Variants in APOE observed in about 807,000 individuals in gnomAD.
APOE encodes apolipoprotein E.
APOE carries 10 observed loss-of-function variants against 13.1 expected under a neutral mutation model. The observed-to-expected ratio is 0.76, with a 90% CI of 0.47 to 1.29. The LOEUF (loss-of-function observed/expected upper bound fraction) is 1.29, where lower values mean the gene tolerates loss of function less well. APOE is among the 50% of genes most tolerant of loss of function. The pLI, the probability that APOE is intolerant of heterozygous loss-of-function variation, is 0.00. For missense variants in APOE, 471 were observed against 459.6 expected (o/e 1.02, Z -0.23); for synonymous variants, 211 against 207.1 (o/e 1.02, Z -0.16).
chr19:44,906,779 G>T, intron 2 of APOE, 112 bp downstream of exon 2: 1 of 1,069,140 alleles, frequency 9.4e-7, no homozygotes, highest in Admixed American at 1.8e-5. Flanking sequence ...AGGCTTCTGT[G>T]CTGCTTCCTG....
Position 44,908,520 on chromosome 19 carries a change from C to T in APOE, c.237-13C>T, listed in dbSNP as rs777388107. 1 of 1,613,432 alleles carries T rather than the reference C, an allele frequency of 6.2e-7. No individual in the cohort carries two copies. Among genetic ancestry groups the T allele is most frequent in the Admixed American group, 1.7e-5 (1 of 60,004 alleles). ...TCCCACTGTGCGACACCCTCCCGCC[C>T]TCTCGGCCGCAGGGCGCTGATGGAC... On this transcript the variant is annotated splice_polypyrimidine_tract_variant and intron_variant, in intron 3 of 3. Transcript: ENST00000252486.
rs1199910165 is a variant in APOE, at chr19:44,909,126, C to T, written c.830C>T (p.Ala277Val). The T allele has an allele frequency of 3.1e-6, 5 of 1,597,904 alleles. No homozygotes were observed. In the South Asian group the frequency reaches 5.5e-5, roughly 18 times the overall value. Residue 277 changes from alanine to valine, a missense_variant, in exon 4 of 4, where the codon GCC (alanine) becomes GTC (valine). Coordinates refer to ENST00000252486, the MANE Select transcript of APOE (RefSeq NM_000041.4). ...CGCCTGCAGGCCGAGGCCTTCCAGG[C>T]CCGCCTCAAGAGCTGGTTCGAGCCC... ...QIRLQAEAFQ[A>V]RLKSWFEPLV...
At position 44,909,292 on chromosome 19, in the gene APOE, C is replaced by G; in HGVS notation, c.*42C>G. 1 of 1,567,872 alleles carries G rather than the reference C, an allele frequency of 6.4e-7. No homozygotes were observed. The highest frequency in any genetic ancestry group is 8.7e-7 in the Non-Finnish European group (1 of 1,154,866). ...CCATGCGACCCCACGCCACCCCGTG[C>G]CTCCTGCCTCCGCGCAGCCTGCAGC... On this transcript the variant is annotated 3_prime_UTR_variant, in exon 4 of 4. Transcript: ENST00000252486.
At chr19:44,906,456 C>T (rs1213652444) in intron 1 of APOE, 146 bp from the exon 2 acceptor site, 12 of 801,078 alleles carry the variant, frequency 1.5e-5, no homozygotes, top group South Asian at 4.2e-5. Context: ...GGGTTGGGGG[C>T]GGCTTGGTAA....
chr19:44,908,703 A>G lies in APOE; in HGVS notation c.407A>G (p.Tyr136Cys), dbSNP rs1341982092. 2 of 1,560,986 alleles carry G rather than the reference A, an allele frequency of 1.3e-6. No individual in the cohort carries two copies. The highest frequency in any genetic ancestry group is 1.2e-5 in the South Asian group (1 of 85,386). ...GACGTGTGCGGCCGCCTGGTGCAGTACCGCGGCGAGGTGCAGGCCATGCTC... is the reference window on the plus strand; with the variant it reads ...GACGTGTGCGGCCGCCTGGTGCAGTGCCGCGGCGAGGTGCAGGCCATGCTC... Reference protein sequence around the residue: ...MEDVCGRLVQYRGEVQAMLGQ... With the variant: ...MEDVCGRLVQCRGEVQAMLGQ... The change falls in exon 4 of 4, where the codon TAC becomes TGC. Residue 136 changes from tyrosine (Y) to cysteine (C), a missense_variant. By Grantham distance (194) the Tyr-to-Cys change is radical. Coordinates refer to ENST00000252486, the MANE Select transcript of APOE (RefSeq NM_000041.4).
chr19:44,906,874 T>G, intron 2 of APOE: 1 of 601,538 alleles, frequency 1.7e-6, no homozygotes, highest in Non-Finnish European at 3.0e-6. Context: ...GTTGTTGTTG[T>G]TTGTTGTTGT....
chr19:44,908,586 A>G lies in APOE; in HGVS notation c.290A>G (p.Glu97Gly). ...KELKAYKSEL[E>G]EQLTPVAEET... ...TTGAAGGCCTACAAATCGGAACTGGAGGAACAACTGACCCCGGTGGCGGAG... is the reference window on the plus strand; with the variant it reads ...TTGAAGGCCTACAAATCGGAACTGGGGGAACAACTGACCCCGGTGGCGGAG... Residue 97 changes from glutamate to glycine, a missense_variant, in exon 4 of 4, where the codon GAG becomes GGG. Physicochemically the swap from Glu to Gly is moderately conservative, Grantham distance 98. Coordinates refer to ENST00000252486, the MANE Select transcript of APOE (RefSeq NM_000041.4). 1 of 1,613,552 alleles carries G rather than the reference A, an allele frequency of 6.2e-7. No individual in the cohort carries two copies. The highest frequency in any genetic ancestry group is 8.5e-7 in the Non-Finnish European group (1 of 1,179,630).
In APOE at chr19:44,909,167, C is replaced by G; in HGVS notation, c.871C>G (p.Gln291Glu). 1 of 1,600,652 alleles carries G rather than the reference C, an allele frequency of 6.2e-7. No individual in the cohort carries two copies. The highest frequency in any genetic ancestry group is 8.5e-7 in the Non-Finnish European group (1 of 1,178,892). ...GTTCGAGCCCCTGGTGGAAGACATG[C>G]AGCGCCAGTGGGCCGGGCTGGTGGA... is the stretch of plus-strand genomic sequence containing the variant. ...SWFEPLVEDM[Q>E]RQWAGLVEKV... The change falls in exon 4 of 4, where the codon CAG becomes GAG. Residue 291 changes from glutamine to glutamate, a missense_variant. Physicochemically the swap from Gln to Glu is conservative, Grantham distance 29. Transcript: ENST00000252486.
intron 3 of APOE, 93 bp downstream of exon 3, chr19:44,908,045 G>C: frequency 4.8e-6 from 6 of 1,250,532 alleles, no homozygotes; most frequent in Admixed American, 2.0e-5. Flanking sequence ...CTAAGTCTTG[G>C]GGGGCCTGGG....
rs768998148 is a variant in APOE at position 44,908,650 on chromosome 19, G to A, written c.354G>A (p.Ala118=). Reference sequence around the variant, plus strand: ...GGCTGTCCAAGGAGCTGCAGGCGGCGCAGGCCCGGCTGGGCGCGGACATGG... The same window carrying A: ...GGCTGTCCAAGGAGCTGCAGGCGGCACAGGCCCGGCTGGGCGCGGACATGG... ...RARLSKELQA[A]QARLGADMED... Residue 118 remains alanine, a synonymous_variant, in exon 4 of 4, where the codon GCG becomes GCA. Transcript: ENST00000252486. 3.1e-6 allele frequency: 5 copies of A among 1,594,138 alleles called. No individual in the cohort carries two copies. The highest frequency in any genetic ancestry group is 2.3e-5 in the East Asian group (1 of 43,654).
chr19:44,906,700 C>T (rs1044831393), intron 2 of APOE, 33 bp downstream of exon 2: 1 of 1,606,892 alleles, frequency 6.2e-7, no homozygotes, highest in Non-Finnish European at 8.5e-7. Context: ...GTTCCCCCCG[C>T]TCCTCCCCCT....
At position 44,905,815 on chromosome 19, in the gene APOE, G is replaced by A; in HGVS notation, c.-50G>A. The A allele has an allele frequency of 7.8e-7, 1 of 1,289,468 alleles. No individual in the cohort carries two copies. The highest frequency in any genetic ancestry group is 1.0e-6 in the Non-Finnish European group (1 of 978,412). 79.9% of individuals were successfully genotyped at this position (1,289,468 alleles called of 1,614,324 possible). A position where few individuals can be genotyped will look rare whatever the true frequency, so the allele number is the denominator to read the frequency against. ...TGAGTCCTACTCAGCCCCAGCGGAGGTGAAGGACGTCCTTCCCCAGGAGCC... is the reference window on the plus strand; with the variant it reads ...TGAGTCCTACTCAGCCCCAGCGGAGATGAAGGACGTCCTTCCCCAGGAGCC... On this transcript the variant is annotated 5_prime_UTR_variant, in exon 1 of 4. The change creates a new upstream start codon in the 5' untranslated region. Transcript: ENST00000252486.
chr19:44,907,838 G>T lies in APOE; in HGVS notation c.122G>T (p.Gly41Val). 2 of 1,613,992 alleles carry T rather than the reference G, an allele frequency of 1.2e-6. No homozygotes were observed. The highest frequency in any genetic ancestry group is 1.7e-6 in the Non-Finnish European group (2 of 1,179,944). ...CGCCAGCAGACCGAGTGGCAGAGCG[G>T]CCAGCGCTGGGAACTGGCACTGGGT... ...ELRQQTEWQS[G>V]QRWELALGRF... The change falls in exon 3 of 4, where the codon GGC becomes GTC. Residue 41 changes from glycine to valine, a missense_variant. Coordinates refer to ENST00000252486, the MANE Select transcript of APOE (RefSeq NM_000041.4). The surrounding 1 kb of genome is among the most constrained non-coding windows in gnomAD (Gnocchi z 4.1).
rs1265280650 is a variant in APOE at position 44,907,903 on chromosome 19, G to C, written c.187G>C (p.Glu63Gln). ...CCTGCGCTGGGTGCAGACACTGTCT[G>C]AGCAGGTGCAGGAGGAGCTGCTCAG... is the stretch of plus-strand genomic sequence containing the variant. Reference protein sequence around the residue: ...DYLRWVQTLSEQVQEELLSSQ... With the variant: ...DYLRWVQTLSQQVQEELLSSQ... The change falls in exon 3 of 4, where the codon GAG (glutamate) becomes CAG (glutamine). Residue 63 changes from glutamate to glutamine, a missense_variant. By Grantham distance (29) the Glu-to-Gln change is conservative. Transcript: ENST00000252486. The surrounding 1 kb of genome is among the most constrained non-coding windows in gnomAD (Gnocchi z 4.1). 2.5e-6 allele frequency: 4 copies of C among 1,613,904 alleles called. No individual in the cohort carries two copies. Among genetic ancestry groups the C allele is most frequent in the Non-Finnish European group, 3.4e-6 (4 of 1,179,968 alleles).
At chr19:44,906,325 CGGTGGGGAGGG>C (rs1969805540) in intron 1 of APOE, 1 of 350,278 alleles carries the variant, frequency 2.9e-6, no homozygotes, top group Non-Finnish European at 4.8e-6. Context: ...ATGGAACCGG[CGGTGGGGAGGG>C]GGTGGGGGGA....
At position 44,908,529 on chromosome 19, in the gene APOE, G is replaced by T. The variant is rs1238363607; in HGVS notation, c.237-4G>T. The T allele has an allele frequency of 5.0e-6, 8 of 1,612,602 alleles. No individual in the cohort carries two copies. Among genetic ancestry groups the T allele is most frequent in the South Asian group, 1.1e-5 (1 of 91,066 alleles). Reference sequence around the variant, plus strand: ...GCGACACCCTCCCGCCCTCTCGGCCGCAGGGCGCTGATGGACGAGACCATG... The same window carrying T: ...GCGACACCCTCCCGCCCTCTCGGCCTCAGGGCGCTGATGGACGAGACCATG... On this transcript the variant is annotated splice_region_variant and splice_polypyrimidine_tract_variant and intron_variant, in intron 3 of 3. Coordinates refer to ENST00000252486, the MANE Select transcript of APOE (RefSeq NM_000041.4).
Position 44,907,949 on chromosome 19 carries a change from T to C in APOE, c.233T>C (p.Leu78Pro). The C allele has an allele frequency of 6.2e-7, 1 of 1,612,746 alleles. No individual in the cohort carries two copies. Among genetic ancestry groups the C allele is most frequent in the Non-Finnish European group, 8.5e-7 (1 of 1,179,598 alleles). ...CTCAGCTCCCAGGTCACCCAGGAACTGAGGTGAGTGTCCCCATCCTGGCCC... is the reference window on the plus strand; with the variant it reads ...CTCAGCTCCCAGGTCACCCAGGAACCGAGGTGAGTGTCCCCATCCTGGCCC... ...ELLSSQVTQE[L>P]RALMDETMKE... The change falls in exon 3 of 4, where the codon CTG becomes CCG. Residue 78 changes from leucine to proline, a missense_variant. Physicochemically the swap from Leu to Pro is moderately conservative, Grantham distance 98. Transcript: ENST00000252486. This position sits in a 1 kb window ranked among gnomAD's most constrained non-coding sequence, Gnocchi z 4.1.
intron 1 of APOE, 176 bp from the exon 2 acceptor site, chr19:44,906,426 G>A: frequency 1.5e-6 from 1 of 675,126 alleles, no homozygotes; most frequent in Admixed American, 2.1e-5. Flanking sequence ...AGAAGACCAG[G>A]AGGGAGTTAA....
intron 2 of APOE, 89 bp downstream of exon 2, chr19:44,906,756 G>C: frequency 5.1e-6 from 7 of 1,368,462 alleles, no homozygotes; most frequent in Non-Finnish European, 7.3e-6. Context: ...CAGACCCTGG[G>C]CCCCCTCTTC....
Sources: allele counts gnomAD v4.1 joint callset, GRCh38; gene constraint gnomAD v4.1.1; non-coding constraint Gnocchi (gnomAD v3.1); transcripts MANE v1.5; gene names NCBI Gene and HGNC (gene_info 2026-07-23, HGNC 2026-07-21).